Variants in SCNN1A observed in about 807,000 individuals in gnomAD.
SCNN1A encodes the protein epithelial sodium channel subunit alpha.
A neutral mutation model predicts 68.6 loss-of-function variants in SCNN1A; 65 were observed. That is an observed-to-expected ratio of 0.95 (90% CI 0.78 to 1.16). SCNN1A has a LOEUF of 1.16. Among genes scored for constraint, SCNN1A ranks in the 50% most tolerant of loss-of-function variants. The pLI, the probability that SCNN1A is intolerant of heterozygous loss-of-function variation, is 0.00. For synonymous variants in SCNN1A, 357 were observed against 353.3 expected (o/e 1.01, Z -0.12); for missense variants, 880 against 865.9 (o/e 1.02, Z -0.20).
chr12:6,360,789 C>A (rs1023263219), intron 4 of SCNN1A, among the ~76,000 whole-genome samples: 1 of 152,176 alleles, frequency 6.6e-6, no homozygotes, highest in African/African-American at 2.4e-5. Flanking sequence ...GGACCCCCCC[C>A]TCGCCTCAGC....
chr12:6,360,291 TA>T (rs1948561982), intron 4 of SCNN1A, among the ~76,000 whole-genome samples: 1 of 151,946 alleles, frequency 6.6e-6, no homozygotes, highest in Non-Finnish European at 1.5e-5. Flanking sequence ...AGTGCCAAGA[TA>T]AAGATGAACC....
Position 6,372,581 on chromosome 12 carries a change from G to A in SCNN1A, c.416+1787C>T, listed in dbSNP as rs1948812510. 6.6e-6 allele frequency among the ~76,000 whole-genome samples: 1 copy of A among 152,166 alleles called. No homozygotes were observed. ...GGGCCCCGCATCCAGCAGAACCTAA[G>A]AACTGTGCAGGCCTCACCCGATTCA... On this transcript the variant is annotated intron_variant, in intron 2 of 12. Coordinates refer to ENST00000228916, the MANE Select transcript of SCNN1A (RefSeq NM_001038.6). This position sits in a 1 kb window ranked among gnomAD's most constrained non-coding sequence, Gnocchi z 5.8.
intron 3 of SCNN1A, among the ~76,000 whole-genome samples, chr12:6,363,083 T>C (rs1490636755): frequency 6.9e-6 from 1 of 145,932 alleles, no homozygotes; most frequent in African/African-American, 2.6e-5. Context: ...TAGTGGGCAC[T>C]GGAATTCAGA....
chr12:6,348,953 T>C lies in SCNN1A; in HGVS notation c.1550A>G (p.Lys517Arg). ...CTGGGACCAGGGCAGGACTGACCTC[T>C]TGTTGTTGACGGTGTAATTGTTCTG... ...SRQNNYTVNN[K>R]RNGVAKVNIF... The change falls in exon 11 of 13, where the codon AAG becomes AGG. Residue 517 changes from lysine (K) to arginine (R), a missense_variant. Coordinates refer to ENST00000228916, the MANE Select transcript of SCNN1A (RefSeq NM_001038.6). 6.2e-7 allele frequency: 1 copy of C among 1,614,040 alleles called. No individual in the cohort carries two copies. Among genetic ancestry groups the C allele is most frequent in the Admixed American group, 1.7e-5 (1 of 60,022 alleles).
Position 6,362,015 on chromosome 12 carries a change from C to A in SCNN1A, c.875+36G>T, listed in dbSNP as rs1190598407. The A allele has an allele frequency of 4.3e-6, 7 of 1,610,562 alleles. No individual in the cohort carries two copies. In the South Asian group the frequency reaches 6.6e-5, roughly 15 times the overall value. ...TGAGGCTGACCCAGGGAAGCGGACC[C>A]CGCGGAGAGCAAGGAGCCAGGCAGG... On this transcript the variant is annotated intron_variant, in intron 4 of 12. Coordinates refer to ENST00000228916, the MANE Select transcript of SCNN1A (RefSeq NM_001038.6).
chr12:6,360,935 G>A (rs1019269337), intron 4 of SCNN1A, among the ~76,000 whole-genome samples: 5 of 152,212 alleles, frequency 3.3e-5, no homozygotes, highest in Admixed American at 6.5e-5. Flanking sequence ...CCATTCCCAA[G>A]GGCAAGTCAC....
At position 6,374,013 on chromosome 12, in the gene SCNN1A, G is replaced by A. The variant is rs999827865; in HGVS notation, c.416+355C>T. On this transcript the variant is annotated intron_variant, in intron 2 of 12. Coordinates refer to ENST00000228916, the MANE Select transcript of SCNN1A (RefSeq NM_001038.6). This position sits in a 1 kb window ranked among gnomAD's most constrained non-coding sequence, Gnocchi z 6.2. ...AGGTCTTATACTTTGCTGGCATCTT[G>A]CTCCAGAAAAGGGATGCAGCTGAGC... Among the ~76,000 whole-genome samples the A allele has an allele frequency of 6.6e-6, 1 of 152,142 alleles. No homozygotes were observed. Among genetic ancestry groups the A allele is most frequent in the African/African-American group, 2.4e-5 (1 of 41,422 alleles).
intron 2 of SCNN1A, among the ~76,000 whole-genome samples, chr12:6,368,287 G>T (rs1340428730): frequency 6.6e-6 from 1 of 152,172 alleles, no homozygotes; most frequent in Non-Finnish European, 1.5e-5. Context: ...GACAGGAAAA[G>T]GAAAGTGACC....
At position 6,362,206 on chromosome 12, in the gene SCNN1A, T is replaced by G. The variant is rs1948591992; in HGVS notation, c.720A>C (p.Thr240=). The change falls in exon 4 of 13, where the codon ACA becomes ACC. Residue 240 remains threonine (T), a synonymous_variant. Coordinates refer to ENST00000228916, the MANE Select transcript of SCNN1A (RefSeq NM_001038.6). The part of the protein sequence containing the change: ...NQNKSDCFYQ[T]YSSGVDAVRE... ...TCACCGCATCCACCCCTGATGAGTA[T>G]GTCTGGTAGAAGCAGTCCGATTTGT... The G allele has an allele frequency of 3.7e-6, 6 of 1,614,206 alleles. No individual in the cohort carries two copies. Among genetic ancestry groups the G allele is most frequent in the Non-Finnish European group, 5.1e-6 (6 of 1,180,018 alleles).
At chr12:6,357,097 C>T (rs987958268) in intron 4 of SCNN1A, among the ~76,000 whole-genome samples, 1 of 152,074 alleles carries the variant, frequency 6.6e-6, no homozygotes, top group Admixed American at 6.6e-5. Context: ...CTTCTAGAGC[C>T]CAGGCTAGAT....
At chr12:6,361,590 A>T (rs1383808513) in intron 4 of SCNN1A, among the ~76,000 whole-genome samples, 1 of 152,122 alleles carries the variant, frequency 6.6e-6, no homozygotes, top group East Asian at 1.9e-4. Context: ...TAAAAATAAA[A>T]AAATTAGCCA....
At position 6,348,104 on chromosome 12, in the gene SCNN1A, C is replaced by T. The variant is rs1339259561; in HGVS notation, c.1779G>A (p.Trp593Ter). 6.2e-7 allele frequency: 1 copy of T among 1,614,130 alleles called. No individual in the cohort carries two copies. Among genetic ancestry groups the T allele is most frequent in the Non-Finnish European group, 8.5e-7 (1 of 1,180,028 alleles). ...CACCCCTGCCCCCTCGGCCTGGAGA[C>T]CAGTATCGGCTTCGGAACCTTCGGA... is the stretch of plus-strand genomic sequence containing the variant. The part of the protein sequence containing the change: ...MLLRRFRSRY[W>*]SPGRGGRGAQ... The change falls in exon 13 of 13, where the codon TGG becomes TGA. Residue 593 changes from tryptophan (W) to a stop codon, truncating the protein, a stop_gained. Transcript: ENST00000228916. LOFTEE classifies it low-confidence loss of function (END_TRUNC).
chr12:6,363,209 C>T (rs1167076560), intron 3 of SCNN1A, among the ~76,000 whole-genome samples: 1 of 151,880 alleles, frequency 6.6e-6, no homozygotes, highest in African/African-American at 2.4e-5. Flanking sequence ...TGAAATGCTT[C>T]TACATAGGAC....
upstream of SCNN1A, chr12:6,375,792 G>A: frequency 1.4e-6 from 2 of 1,389,362 alleles, no homozygotes; most frequent in South Asian, 1.6e-5. Context: ...ACAAGTAGAA[G>A]GATCCTGAGC....
chr12:6,375,392 C>T (rs1948886970), intron 1 of SCNN1A, 113 bp downstream of exon 1: 1 of 1,489,976 alleles, frequency 6.7e-7, no homozygotes, highest in Admixed American at 2.2e-5. Flanking sequence ...CCCAGGACTG[C>T]AGGGCTCCAG....
intron 8 of SCNN1A, among the ~76,000 whole-genome samples, chr12:6,352,692 G>T (rs926511332): frequency 6.6e-5 from 10 of 152,208 alleles, no homozygotes; most frequent in Non-Finnish European, 1.2e-4. Flanking sequence ...ATGGCCTTTG[G>T]GTTTCCCCCA....
chr12:6,356,814 G>C (rs1948505887), intron 4 of SCNN1A, among the ~76,000 whole-genome samples: 1 of 152,148 alleles, frequency 6.6e-6, no homozygotes. Flanking sequence ...AGGCAAAGAC[G>C]GAAAGGGGAC....
chr12:6,375,595 G>A (rs1170633241), upstream of SCNN1A: 6 of 1,357,548 alleles, frequency 4.4e-6, no homozygotes, highest in South Asian at 6.1e-5. Flanking sequence ...TCAATTAAAG[G>A]TGAGCAGGGC....
In SCNN1A at chr12:6,374,155, T is replaced by G. The variant is rs1046986945; in HGVS notation, c.416+213A>C. On this transcript the variant is annotated intron_variant, in intron 2 of 12. Coordinates refer to ENST00000228916, the MANE Select transcript of SCNN1A (RefSeq NM_001038.6). This position sits in a 1 kb window ranked among gnomAD's most constrained non-coding sequence, Gnocchi z 6.2. The stretch of plus-strand genomic sequence containing the variant: ...GCTGCTCCAACAACCACACTCTGGG[T>G]GAGCCTGGGGTGCTAGGATGGCTCC... 6.6e-6 allele frequency among the ~76,000 whole-genome samples: 1 copy of G among 152,156 alleles called. No individual in the cohort carries two copies. The highest frequency in any genetic ancestry group is 1.5e-5 in the Non-Finnish European group (1 of 68,014).
Sources: gnomAD v4.1 joint callset for allele counts (sites outside exome capture counted in the v4.1 genomes callset) on GRCh38, gnomAD v4.1.1 for gene constraint, Gnocchi (gnomAD v3.1) non-coding constraint, MANE v1.5 for transcripts, NCBI Gene and HGNC (gene_info 2026-07-23, HGNC 2026-07-21) for gene names.